CNTN3: variants seen among roughly 807,000 people sequenced by gnomAD.
The protein encoded by CNTN3 is contactin-3.
In CNTN3, 60 loss-of-function variants were observed where a neutral mutation model predicts 119.1. That is an observed-to-expected ratio of 0.50 (90% CI 0.41 to 0.62). The LOEUF is 0.62. Ranked by LOEUF, CNTN3 falls within the 20% of genes least tolerant of loss-of-function variation. CNTN3 has a pLI of 0.00. For synonymous variants in CNTN3, 450 were observed against 438.7 expected (o/e 1.03, Z -0.32); for missense variants, 1,101 against 1,242.4 (o/e 0.89, Z 1.71).
chr3:74,394,893 T>G (rs1705006453), intron 5 of CNTN3, among the ~76,000 whole-genome samples: 1 of 152,122 alleles, frequency 6.6e-6, no homozygotes, highest in Non-Finnish European at 1.5e-5. Context: ...TGCTCTGAAT[T>G]CATAGAAAAA....
intron 5 of CNTN3, among the ~76,000 whole-genome samples, chr3:74,397,740 CCTT>C (rs1318486588): frequency 6.6e-6 from 1 of 152,124 alleles, no homozygotes; most frequent in East Asian, 1.9e-4. Flanking sequence ...AAATTGAAAA[CCTT>C]CTGGGAAGGA....
Position 74,521,210 on chromosome 3 carries a change from A to C in CNTN3, c.-80-18T>G. The C allele has an allele frequency of 2.0e-6, 1 of 508,298 alleles. No individual in the cohort carries two copies. The highest frequency in any genetic ancestry group is 3.3e-6 in the Non-Finnish European group (1 of 302,470). 31.5% of individuals were successfully genotyped at this position (508,298 alleles called of 1,614,324 possible). A position where few individuals can be genotyped will look rare whatever the true frequency, so the allele number is the denominator to read the frequency against. Reference sequence around the variant, plus strand: ...CCTTTAATCTGTAAAATATATGTACAAAGAAGTTCGTTAAAAAAAAAAAAA... The same window carrying C: ...CCTTTAATCTGTAAAATATATGTACCAAGAAGTTCGTTAAAAAAAAAAAAA... On this transcript the variant is annotated intron_variant, in intron 1 of 22. Transcript: ENST00000263665.
At chr3:74,600,684 A>G (rs1704895591) in intron 1 of CNTN3, among the ~76,000 whole-genome samples, 1 of 152,078 alleles carries the variant, frequency 6.6e-6, no homozygotes, top group African/African-American at 2.4e-5. Context: ...CTCTAATAAC[A>G]TTCAAGTAGT....
At chr3:74,529,449 A>G (rs1367794730) in intron 1 of CNTN3, among the ~76,000 whole-genome samples, 1 of 151,714 alleles carries the variant, frequency 6.6e-6, no homozygotes, top group East Asian at 2.0e-4. Context: ...ACATGTATGT[A>G]GGTGCCATAA....
chr3:74,381,064 T>TC (rs1491326058), intron 5 of CNTN3, among the ~76,000 whole-genome samples: 1 of 143,792 alleles, frequency 7.0e-6, no homozygotes, highest in African/African-American at 2.6e-5. Flanking sequence ...TTTTTTTTTT[T>TC]CTCTCTCTCT....
At chr3:74,412,692 C>T (rs1701459398) in intron 5 of CNTN3, among the ~76,000 whole-genome samples, 1 of 152,034 alleles carries the variant, frequency 6.6e-6, no homozygotes, top group Non-Finnish European at 1.5e-5. Flanking sequence ...TCATCCATAC[C>T]ATTTAAAAAA....
chr3:74,546,585 C>T (rs551853063), intron 1 of CNTN3, among the ~76,000 whole-genome samples: 1 of 152,166 alleles, frequency 6.6e-6, no homozygotes, highest in East Asian at 1.9e-4. Flanking sequence ...ATCCTTCCTG[C>T]TCTCAAACAT....
chr3:74,300,446 C>T (rs563322992), intron 16 of CNTN3, among the ~76,000 whole-genome samples: 1 of 152,292 alleles, frequency 6.6e-6, no homozygotes, highest in East Asian at 1.9e-4. Flanking sequence ...AACCCCATGA[C>T]ACAGCTAGAA....
chr3:74,352,622 T>C (rs907916238), intron 11 of CNTN3, among the ~76,000 whole-genome samples: 1 of 152,222 alleles, frequency 6.6e-6, no homozygotes, highest in Non-Finnish European at 1.5e-5. Flanking sequence ...TATTCATCTA[T>C]GTATTCCCAG....
intron 3 of CNTN3, among the ~76,000 whole-genome samples, chr3:74,489,128 C>T (rs1559628956): frequency 6.6e-6 from 1 of 152,130 alleles, no homozygotes; most frequent in Non-Finnish European, 1.5e-5. Context: ...CTCTGAAACA[C>T]AATATGGTCT....
intron 11 of CNTN3, among the ~76,000 whole-genome samples, chr3:74,338,284 ATG>A (rs1703443267): frequency 6.6e-6 from 1 of 152,072 alleles, no homozygotes; most frequent in African/African-American, 2.4e-5. Flanking sequence ...ATCTGTAAAA[ATG>A]TTTATTGCAA....
At chr3:74,365,396 T>G (rs190917419) in intron 9 of CNTN3, among the ~76,000 whole-genome samples, 170 bp downstream of exon 9, 1 of 152,244 alleles carries the variant, frequency 6.6e-6, no homozygotes. Flanking sequence ...GACTGGGTAC[T>G]TGATTTGATA....
chr3:74,271,249 C>T (rs189748841), intron 20 of CNTN3, among the ~76,000 whole-genome samples: 56 of 151,950 alleles, frequency 3.7e-4, no homozygotes, highest in African/African-American at 1.1e-3. Context: ...ATATCATCCA[C>T]GGGCAGTTAC....
At chr3:74,462,708 A>G (rs891937824) in intron 4 of CNTN3, among the ~76,000 whole-genome samples, 1 of 152,084 alleles carries the variant, frequency 6.6e-6, no homozygotes, top group African/African-American at 2.4e-5. Flanking sequence ...AGTAAGGATC[A>G]CATCATTTCC....
intron 8 of CNTN3, among the ~76,000 whole-genome samples, chr3:74,368,122 C>G (rs1704242815): frequency 6.6e-6 from 1 of 152,194 alleles, no homozygotes; most frequent in Non-Finnish European, 1.5e-5. Context: ...ACTCATGCTA[C>G]CAAACAATGC....
At chr3:74,365,967 T>G (rs957133578) in intron 8 of CNTN3, among the ~76,000 whole-genome samples, 2 of 152,148 alleles carry the variant, frequency 1.3e-5, no homozygotes, top group Non-Finnish European at 2.9e-5. Context: ...TTTTCAAAAT[T>G]CTGAGCACTG....
intron 5 of CNTN3, among the ~76,000 whole-genome samples, chr3:74,422,846 A>G (rs537443693): frequency 1.3e-5 from 2 of 152,284 alleles, no homozygotes; most frequent in African/African-American, 4.8e-5. Flanking sequence ...CTTTTTACTC[A>G]TAATACAACA....
chr3:74,602,035 A>C (rs1704919049), intron 1 of CNTN3, among the ~76,000 whole-genome samples: 1 of 152,054 alleles, frequency 6.6e-6, no homozygotes, highest in Non-Finnish European at 1.5e-5. Flanking sequence ...CAGGCCAGGC[A>C]TGATGGCTCA....
At chr3:74,605,461 G>A (rs148638988) in intron 1 of CNTN3, among the ~76,000 whole-genome samples, 2 of 152,072 alleles carry the variant, frequency 1.3e-5, no homozygotes, top group African/African-American at 2.4e-5. Flanking sequence ...GTGTGTTATT[G>A]CTGCATAAAC....
Sources: allele counts gnomAD v4.1 joint callset (sites outside exome capture counted in the v4.1 genomes callset), GRCh38; gene constraint gnomAD v4.1.1; transcripts MANE v1.5; gene names NCBI Gene and HGNC (gene_info 2026-07-23, HGNC 2026-07-21).